The following YAF2 variants were observed in gnomAD, a reference collection of about 807,000 sequenced individuals.
The protein encoded by YAF2 is YY1-associated factor 2.
Under a neutral mutation model 20.1 loss-of-function variants are expected in YAF2, and 7 were observed. The ratio of observed to expected loss-of-function variants is 0.35; its 90% CI spans 0.20 to 0.65. YAF2 has a LOEUF of 0.65. YAF2 is among the 30% of genes least tolerant of loss of function. YAF2 has a pLI of 0.69. For missense variants in YAF2, 151 were observed against 219.2 expected, an observed-to-expected ratio of 0.69 and a Z score of 1.96; for synonymous variants, 74 against 76.0, an observed-to-expected ratio of 0.97 and a Z score of 0.14.
chr12:42,237,445 G>T, intron 2 of YAF2, 154 bp downstream of exon 2: 1 of 1,313,398 alleles, frequency 7.6e-7, no homozygotes, highest in South Asian at 1.9e-5. Context: ...CCTGGGTTGC[G>T]ATCAATGTGA....
In YAF2 at chr12:42,199,008, T is replaced by C. The variant is rs712124; in HGVS notation, c.153-37243A>G. On this transcript the variant is annotated intron_variant, in intron 2 of 3. Coordinates refer to ENST00000534854, the MANE Select transcript of YAF2 (RefSeq NM_005748.6). Reference sequence around the variant, plus strand: ...TTACAGTGCAATTCTAAACTAGCTGTGTTTAATTTCATGTGACTATTTTAA... The same window carrying C: ...TTACAGTGCAATTCTAAACTAGCTGCGTTTAATTTCATGTGACTATTTTAA... 3.9e-3 allele frequency: 1,661 copies of C among 423,164 alleles called. 35 individuals carry two copies. Among genetic ancestry groups the C allele is most frequent in the African/African-American group, 0.032 (1,524 of 47,610 alleles). 26.2% of individuals were successfully genotyped at this position (423,164 alleles called of 1,614,324 possible).
chr12:42,227,871 G>A (rs1284651392), intron 2 of YAF2, among the ~76,000 whole-genome samples: 1 of 140,490 alleles, frequency 7.1e-6, no homozygotes, highest in Non-Finnish European at 1.6e-5. Context: ...CGCCCCGCCA[G>A]CCGCCCCGTC....
rs1592136367 is a variant in YAF2 at position 42,157,404 on chromosome 12, C to T, written c.*3185G>A. ...ACCTCTTAAAGGCACCACCTACCAA[C>T]ACAATCAAACTGGGGACTCAGGCCT... On this transcript the variant is annotated 3_prime_UTR_variant, in exon 4 of 4. Transcript: ENST00000534854. The T allele has an allele frequency of 6.6e-6, 1 of 152,258 alleles. No homozygotes were observed. The highest frequency in any genetic ancestry group is 1.5e-5 in the Non-Finnish European group (1 of 68,062). The allele number at this position is 152,258 out of a possible 1,614,324, so 9.4% of individuals were successfully genotyped here. A position where few individuals can be genotyped will look rare whatever the true frequency, so the allele number is the denominator to read the frequency against.
At chr12:42,201,332 T>C (rs1367771116) in intron 2 of YAF2, among the ~76,000 whole-genome samples, 1 of 152,166 alleles carries the variant, frequency 6.6e-6, no homozygotes, top group Non-Finnish European at 1.5e-5. Flanking sequence ...TGGGTGAAAA[T>C]TGATAGCTCG....
At chr12:42,237,352 A>G in intron 2 of YAF2, 1 of 1,140,930 alleles carries the variant, frequency 8.8e-7, no homozygotes, top group South Asian at 2.4e-5. Context: ...CGCAGTAGCT[A>G]ATGCCTCCCT....
rs1423819907 is a variant in YAF2 at position 42,160,807 on chromosome 12, C to T, written c.325G>A (p.Asp109Asn). The T allele has an allele frequency of 6.2e-7, 1 of 1,610,710 alleles. No individual in the cohort carries two copies. Among genetic ancestry groups the T allele is most frequent in the Non-Finnish European group, 8.5e-7 (1 of 1,178,840 alleles). The change falls in exon 4 of 4, where the codon GAT becomes AAT. Residue 109 changes from aspartate to asparagine, a missense_variant. Around this residue, in one of 3 missense-constraint regions of YAF2, gnomAD observed 50 missense variants for 112.0 expected, o/e 0.45. Transcript: ENST00000534854. Reference protein sequence around the residue: ...KKTRPRLKNVDRSSAQHLEVT... With the variant: ...KKTRPRLKNVNRSSAQHLEVT... ...TCCAAATGCTGAGCACTACTCCGATCCACATTTTTCAATCTTGGCCTAAAC... is the reference window on the plus strand; with the variant it reads ...TCCAAATGCTGAGCACTACTCCGATTCACATTTTTCAATCTTGGCCTAAAC...
rs557932340 is a variant in YAF2, at chr12:42,185,201, C to CA, written c.153-23437dup. Among the ~76,000 whole-genome samples, 25 of 150,662 alleles carry CA rather than the reference C, an allele frequency of 1.7e-4. No individual in the cohort carries two copies. The South Asian group carries it at 5.0e-3, about 30-fold the overall frequency. ...GCAAACAAACAAACAAACAAACAAACAAAAAAACAGAACTAGAATTAGTGG... is the reference window on the plus strand; with the variant it reads ...GCAAACAAACAAACAAACAAACAAACAAAAAAAACAGAACTAGAATTAGTGG... On this transcript the variant is annotated intron_variant, in intron 2 of 3. Transcript: ENST00000534854.
intron 3 of YAF2, chr12:42,161,237 T>C (rs111325216): frequency 3.0e-4 from 76 of 256,934 alleles, no homozygotes; most frequent in African/African-American, 1.6e-3. Flanking sequence ...AAGGGTATCA[T>C]GATTGTTATG....
At chr12:42,194,461 C>A (rs764478482) in intron 2 of YAF2, among the ~76,000 whole-genome samples, 2 of 152,018 alleles carry the variant, frequency 1.3e-5, no homozygotes, top group African/African-American at 4.8e-5. Context: ...CTGGCCAACA[C>A]GGTGAAAACC....
chr12:42,195,756 G>A (rs1377493666), intron 2 of YAF2, among the ~76,000 whole-genome samples: 1 of 152,204 alleles, frequency 6.6e-6, no homozygotes, highest in Non-Finnish European at 1.5e-5. Context: ...ATGGTGTGTT[G>A]AGACTGGGTT....
intron 2 of YAF2, among the ~76,000 whole-genome samples, chr12:42,201,245 T>C (rs2066890886): frequency 6.6e-6 from 1 of 152,212 alleles, no homozygotes; most frequent in African/African-American, 2.4e-5. Context: ...CCTTGAATAG[T>C]AATCAACTGC....
At chr12:42,210,478 G>A (rs934778211) in intron 2 of YAF2, 8 of 1,535,552 alleles carry the variant, frequency 5.2e-6, no homozygotes, top group South Asian at 1.2e-5. Flanking sequence ...CAGTACAGAC[G>A]TATATGTAAG....
At chr12:42,199,488 C>T (rs150446620) in intron 2 of YAF2, 1 of 198,486 alleles carries the variant, frequency 5.0e-6, no homozygotes, top group Non-Finnish European at 1.0e-5. Flanking sequence ...CTCCAATTTA[C>T]CACCAAAAAA....
chr12:42,160,901 A>C, intron 3 of YAF2, 75 bp from the exon 4 acceptor site: 1 of 1,311,544 alleles, frequency 7.6e-7, no homozygotes, highest in South Asian at 1.4e-5. Flanking sequence ...AAATAATAAA[A>C]GTGGTAAAAG....
chr12:42,179,649 C>T (rs1023429576), intron 2 of YAF2, among the ~76,000 whole-genome samples: 3 of 151,664 alleles, frequency 2.0e-5, no homozygotes, highest in Non-Finnish European at 2.9e-5. Flanking sequence ...ATGAGCCAGG[C>T]GTGGTGGCAC....
chr12:42,193,224 C>T (rs990882932), intron 2 of YAF2, among the ~76,000 whole-genome samples: 16 of 150,798 alleles, frequency 1.1e-4, no homozygotes, highest in Non-Finnish European at 2.2e-4. Flanking sequence ...CTGAGGCAGG[C>T]GAATCACTTG....
chr12:42,234,996 A>C (rs2068101578), intron 2 of YAF2: 1 of 985,160 alleles, frequency 1.0e-6, no homozygotes, highest in Non-Finnish European at 1.2e-6. Context: ...TCAAAAAAGA[A>C]AAAAGAAAAA....
At chr12:42,189,555 G>A (rs1390478842) in intron 2 of YAF2, among the ~76,000 whole-genome samples, 1 of 152,196 alleles carries the variant, frequency 6.6e-6, no homozygotes, top group Non-Finnish European at 1.5e-5. Flanking sequence ...GCAGAAATGT[G>A]AAAGTTTGCC....
intron 2 of YAF2, chr12:42,235,619 G>C: frequency 6.7e-7 from 1 of 1,487,016 alleles, no homozygotes; most frequent in East Asian, 2.5e-5. Flanking sequence ...CTTACTTTCA[G>C]GAACACAGTG....
Sources: gnomAD v4.1 joint callset for allele counts (sites outside exome capture counted in the v4.1 genomes callset) on GRCh38, gnomAD v4.1.1 for gene constraint, gnomAD v4.1.1 regional missense constraint, MANE v1.5 for transcripts, NCBI Gene and HGNC (gene_info 2026-07-23, HGNC 2026-07-21) for gene names.